Variants in IQCJ observed in about 807,000 individuals in gnomAD.
IQCJ encodes the protein IQ domain-containing protein J.
In IQCJ, 9 loss-of-function variants were observed where a neutral mutation model predicts 11.0. The ratio of observed to expected loss-of-function variants is 0.82; its 90% CI spans 0.49 to 1.43. The LOEUF (loss-of-function observed/expected upper bound fraction) is 1.43, where lower values mean the gene tolerates loss of function less well. Ranked by LOEUF, IQCJ falls within the 40% of genes most tolerant of loss-of-function variation. The pLI is 0.00. For missense variants in IQCJ, 146 were observed against 133.2 expected (o/e 1.10, Z -0.47); for synonymous variants, 55 against 51.3 (o/e 1.07, Z -0.31).
At chr3:159,083,825 A>G (rs879389359) in intron 1 of IQCJ, among the ~76,000 whole-genome samples, 9 of 152,156 alleles carry the variant, frequency 5.9e-5, no homozygotes, top group Non-Finnish European at 1.2e-4. Flanking sequence ...TATATATTGT[A>G]TGATTCCATT....
intron 1 of IQCJ, among the ~76,000 whole-genome samples, chr3:159,107,607 A>G (rs964897548): frequency 1.3e-5 from 2 of 152,190 alleles, no homozygotes; most frequent in African/African-American, 4.8e-5. Flanking sequence ...GTCTGATAAT[A>G]CTATTAATAA....
At chr3:159,123,530 T>G (rs1719499994) in intron 1 of IQCJ, among the ~76,000 whole-genome samples, 1 of 151,248 alleles carries the variant, frequency 6.6e-6, no homozygotes, top group Non-Finnish European at 1.5e-5. Context: ...CTTGATTGGG[T>G]GGGTTGGGTT....
chr3:159,150,938 C>T (rs1439412513), intron 1 of IQCJ, among the ~76,000 whole-genome samples: 1 of 152,198 alleles, frequency 6.6e-6, no homozygotes, highest in African/African-American at 2.4e-5. Flanking sequence ...ATAAATATTG[C>T]AGCCCGTGCC....
At chr3:159,182,516 G>A (rs965038650) in intron 1 of IQCJ, among the ~76,000 whole-genome samples, 2 of 151,976 alleles carry the variant, frequency 1.3e-5, no homozygotes, top group Non-Finnish European at 2.9e-5. Context: ...TTATTCGGCC[G>A]GGGGCATCGG....
chr3:159,155,272 C>G (rs569899575), intron 1 of IQCJ, among the ~76,000 whole-genome samples: 1 of 152,320 alleles, frequency 6.6e-6, no homozygotes, highest in African/African-American at 2.4e-5. Flanking sequence ...ATTCTCCTGC[C>G]TCAGTCTCCT....
downstream of IQCJ, chr3:159,266,290 T>C (rs1290632697): frequency 6.6e-6 from 1 of 152,242 alleles, no homozygotes; most frequent in Non-Finnish European, 1.5e-5. Flanking sequence ...AGTTCATGCA[T>C]TTCTAAGACT....
intron 1 of IQCJ, among the ~76,000 whole-genome samples, chr3:159,229,636 C>G (rs1455348651): frequency 1.3e-5 from 2 of 148,950 alleles, no homozygotes; most frequent in African/African-American, 5.0e-5. Context: ...CATGTTCTTT[C>G]TCAACTTCTG....
At chr3:159,143,670 T>C (rs1485660413) in intron 1 of IQCJ, among the ~76,000 whole-genome samples, 1 of 152,172 alleles carries the variant, frequency 6.6e-6, no homozygotes, top group Non-Finnish European at 1.5e-5. Flanking sequence ...TCTCCATGTG[T>C]CAGTAATTAT....
chr3:159,193,086 C>A (rs1416796464), intron 1 of IQCJ, among the ~76,000 whole-genome samples: 3 of 152,160 alleles, frequency 2.0e-5, no homozygotes, highest in Non-Finnish European at 4.4e-5. Context: ...CACTGGTCAC[C>A]ATCCTTTTCA....
intron 1 of IQCJ, among the ~76,000 whole-genome samples, chr3:159,165,726 G>C (rs1256033909): frequency 6.7e-6 from 1 of 149,430 alleles, no homozygotes; most frequent in Non-Finnish European, 1.5e-5. Context: ...CAATTCTCCT[G>C]CCTCAGCCTC....
intron 1 of IQCJ, among the ~76,000 whole-genome samples, chr3:159,108,335 A>G (rs971629608): frequency 6.6e-6 from 1 of 151,266 alleles, no homozygotes; most frequent in African/African-American, 2.5e-5. Flanking sequence ...AAACTGGAAT[A>G]TTTTCTTATC....
chr3:159,130,915 A>G (rs759235382), intron 1 of IQCJ, among the ~76,000 whole-genome samples: 6 of 152,166 alleles, frequency 3.9e-5, no homozygotes, highest in Non-Finnish European at 8.8e-5. Flanking sequence ...ATTATCACCT[A>G]TCTTTCAGAA....
intron 3 of IQCJ, among the ~76,000 whole-genome samples, chr3:159,257,557 C>A (rs547550572): frequency 1.3e-5 from 2 of 152,118 alleles, no homozygotes; most frequent in Non-Finnish European, 2.9e-5. Flanking sequence ...ACAAACCGGG[C>A]GGATACTGGA....
At chr3:159,181,069 C>T (rs1011900645) in intron 1 of IQCJ, among the ~76,000 whole-genome samples, 4 of 151,894 alleles carry the variant, frequency 2.6e-5, no homozygotes, top group African/African-American at 9.7e-5. Flanking sequence ...TTCTCAACTT[C>T]CATTCACTTT....
chr3:159,134,161 C>G (rs2108166873), intron 1 of IQCJ, among the ~76,000 whole-genome samples: 1 of 152,204 alleles, frequency 6.6e-6, no homozygotes, highest in African/African-American at 2.4e-5. Context: ...AGGCTGCCTG[C>G]AGCTCCATGC....
intron 1 of IQCJ, among the ~76,000 whole-genome samples, chr3:159,129,347 C>A (rs986680658): frequency 8.5e-5 from 13 of 152,302 alleles, no homozygotes; most frequent in African/African-American, 3.1e-4. Flanking sequence ...AAGCTCAGGG[C>A]TAGTCCTATA....
At chr3:159,168,073 G>T (rs565979443) in intron 1 of IQCJ, among the ~76,000 whole-genome samples, 19 of 152,280 alleles carry the variant, frequency 1.2e-4, no homozygotes, top group Non-Finnish European at 2.5e-4. Flanking sequence ...CCTCAGAGAG[G>T]GGGCCACAGT....
intron 1 of IQCJ, among the ~76,000 whole-genome samples, chr3:159,175,463 C>A (rs1165017999): frequency 6.6e-6 from 1 of 152,066 alleles, no homozygotes; most frequent in East Asian, 1.9e-4. Flanking sequence ...AGAGCAAGAC[C>A]CTGTCTCAAA....
At chr3:159,089,348 T>G (rs1477144033) in intron 1 of IQCJ, among the ~76,000 whole-genome samples, 3 of 152,176 alleles carry the variant, frequency 2.0e-5, no homozygotes, top group Non-Finnish European at 2.9e-5. Flanking sequence ...TGGCTGCCCT[T>G]AACATTTTTT....
Sources: gnomAD v4.1 joint callset for allele counts (sites outside exome capture counted in the v4.1 genomes callset) on GRCh38, gnomAD v4.1.1 for gene constraint, MANE v1.5 for transcripts, NCBI Gene and HGNC (gene_info 2026-07-23, HGNC 2026-07-21) for gene names.